The following MGAT5 variants were observed in gnomAD, a reference collection of about 807,000 sequenced individuals.
MGAT5 encodes the protein alpha-1,6-mannosylglycoprotein 6-beta-N-acetylglucosaminyltransferase A.
MGAT5 carries 30 observed loss-of-function variants against 94.3 expected under a neutral mutation model. The observed-to-expected ratio is 0.32, with a 90% CI of 0.24 to 0.43. MGAT5 has a LOEUF of 0.43. MGAT5 is among the 20% of genes least tolerant of loss of function. MGAT5 has a pLI of 1.00. For missense variants in MGAT5, 691 were observed against 905.5 expected, an observed-to-expected ratio of 0.76 and a Z score of 3.04; for synonymous variants, 310 against 322.9, an observed-to-expected ratio of 0.96 and a Z score of 0.43.
At chr2:134,200,807 A>G (rs1409068078) in intron 1 of MGAT5, among the ~76,000 whole-genome samples, 2 of 152,122 alleles carry the variant, frequency 1.3e-5, no homozygotes, top group East Asian at 1.9e-4. Flanking sequence ...TCACTTGAGG[A>G]CAGGCATTCA....
chr2:134,349,637 A>G (rs889737290), intron 8 of MGAT5, among the ~76,000 whole-genome samples, 168 bp from the exon 9 acceptor site: 1 of 152,236 alleles, frequency 6.6e-6, no homozygotes, highest in South Asian at 2.1e-4. Context: ...ACACAAGTAG[A>G]TGTTCGGTAC....
chr2:134,275,577 C>CT (rs1684306448), intron 2 of MGAT5, among the ~76,000 whole-genome samples: 86 of 117,490 alleles, frequency 7.3e-4, no homozygotes, highest in African/African-American at 3.3e-3. Flanking sequence ...GGTGCTATTT[C>CT]CTTTTTTTTT....
chr2:134,200,219 T>C (rs187250442), intron 1 of MGAT5, among the ~76,000 whole-genome samples: 2 of 120,868 alleles, frequency 1.7e-5, no homozygotes, highest in African/African-American at 6.3e-5. Flanking sequence ...TCCAGAAATA[T>C]CTGACTGACT....
At position 134,317,574 on chromosome 2, in the gene MGAT5, A is replaced by T. The variant is rs753434695; in HGVS notation, c.452A>T (p.Asp151Val). 6.4e-7 allele frequency: 1 copy of T among 1,569,446 alleles called. No homozygotes were observed. The highest frequency in any genetic ancestry group is 1.9e-5 in the Admixed American group (1 of 52,664). ...GAAAAATGTGTATTGCCTCCTATGG[A>T]CGGCTACCCTCACTGTGAGGGAAAG... The part of the protein sequence containing the change: ...AQEKCVLPPM[D>V]GYPHCEGKIK... The change falls in exon 3 of 16, where the codon GAC becomes GTC. Residue 151 changes from aspartate to valine, a missense_variant. Around this residue, in one of 4 missense-constraint regions of MGAT5, gnomAD observed 307 missense variants for 335.4 expected, o/e 0.92. Transcript: ENST00000281923.
At chr2:134,299,619 C>T (rs1685897599) in intron 2 of MGAT5, among the ~76,000 whole-genome samples, 1 of 152,118 alleles carries the variant, frequency 6.6e-6, no homozygotes, top group Non-Finnish European at 1.5e-5. Context: ...TTAAAATCCC[C>T]TCTTCTGATT....
At chr2:134,294,909 A>G (rs959899574) in intron 2 of MGAT5, among the ~76,000 whole-genome samples, 1 of 152,132 alleles carries the variant, frequency 6.6e-6, no homozygotes, top group African/African-American at 2.4e-5. Context: ...GCCAATCAGG[A>G]CAAATACAGA....
rs369168450 is a variant in MGAT5, at chr2:134,245,501, C to T, written c.-142-8761C>T. 3.3e-5 allele frequency among the ~76,000 whole-genome samples: 5 copies of T among 152,190 alleles called. No individual in the cohort carries two copies. In the East Asian group the frequency reaches 5.8e-4, roughly 18 times the overall value. Reference sequence around the variant, plus strand: ...TCCACCTGCCAGTAATGTGCACATCCAAGAGACTAAGTCAGGATAAAATCA... The same window carrying T: ...TCCACCTGCCAGTAATGTGCACATCTAAGAGACTAAGTCAGGATAAAATCA... On this transcript the variant is annotated intron_variant, in intron 1 of 16. Coordinates refer to the MGAT5 transcript ENST00000409645.
At chr2:134,236,679 A>T (rs1224239255) in intron 1 of MGAT5, among the ~76,000 whole-genome samples, 2 of 152,112 alleles carry the variant, frequency 1.3e-5, no homozygotes, top group Admixed American at 1.3e-4. Flanking sequence ...AGTCTCGGGT[A>T]TGTCTTTATT....
intron 2 of MGAT5, among the ~76,000 whole-genome samples, chr2:134,277,219 T>G (rs1017114891): frequency 6.6e-6 from 1 of 152,152 alleles, no homozygotes; most frequent in Admixed American, 6.5e-5. Flanking sequence ...GTTTCCCCAT[T>G]TGTAAAATGG....
intron 2 of MGAT5, among the ~76,000 whole-genome samples, chr2:134,312,665 G>A (rs1171420402): frequency 6.6e-6 from 1 of 152,092 alleles, no homozygotes; most frequent in Non-Finnish European, 1.5e-5. Context: ...GTTGTGTGTG[G>A]TTTCCCTTCC....
rs35278348 is a variant in MGAT5 at position 134,382,251 on chromosome 2, T to TA, written c.1380+19855dup. Among the ~76,000 whole-genome samples, 1,444 of 143,882 alleles carry TA rather than the reference T, an allele frequency of 0.01. 56 individuals are homozygous for TA. The East Asian group carries it at 0.1, about 10-fold the overall frequency. The allele number at this position is 143,882 out of a possible 152,430, so 94.4% of individuals were successfully genotyped here. A position where few individuals can be genotyped will look rare whatever the true frequency, so the allele number is the denominator to read the frequency against. ...GCCTGGGCAACAGCAATACCCTGTCTAAAAAAAAAAAATAAAGTCCTAGTG... is the reference window on the plus strand; with the variant it reads ...GCCTGGGCAACAGCAATACCCTGTCTAAAAAAAAAAAAATAAAGTCCTAGTG... On this transcript the variant is annotated intron_variant, in intron 10 of 15. Transcript: ENST00000281923.
intron 2 of MGAT5, among the ~76,000 whole-genome samples, chr2:134,291,272 A>C (rs1685340745): frequency 6.6e-6 from 1 of 152,140 alleles, no homozygotes; most frequent in South Asian, 2.1e-4. Context: ...AGCCCTCATG[A>C]ATGAGATTAT....
At chr2:134,201,753 C>T (rs932192055) in intron 1 of MGAT5, among the ~76,000 whole-genome samples, 8 of 149,244 alleles carry the variant, frequency 5.4e-5, no homozygotes, top group African/African-American at 1.2e-4. Flanking sequence ...GGCCGCCAGG[C>T]GCCAGCATCT....
At chr2:134,431,345 C>T (rs1684864289) in intron 14 of MGAT5, among the ~76,000 whole-genome samples, 1 of 152,094 alleles carries the variant, frequency 6.6e-6, no homozygotes, top group Non-Finnish European at 1.5e-5. Context: ...ATTAAACATT[C>T]TCCAAATGTT....
rs142933335 is a variant in MGAT5 at position 134,350,091 on chromosome 2, T to TTTTTTTG, written c.1246+158_1246+159insTGTTTTT. Among the ~76,000 whole-genome samples, 12 of 151,716 alleles carry TTTTTTTG rather than the reference T, an allele frequency of 7.9e-5. No individual in the cohort carries two copies. In the East Asian group the frequency reaches 2.1e-3, roughly 27 times the overall value. Reference sequence around the variant, plus strand: ...TTTCCTTGGGAATTACTGAATTTGTTTTTTTGTTTTTGTTTTTTAGTTGAA... The same window carrying TTTTTTTG: ...TTTCCTTGGGAATTACTGAATTTGTTTTTTTTGTTTTTGTTTTTGTTTTTTAGTTGAA... On this transcript the variant is annotated intron_variant, in intron 9 of 15. Coordinates refer to ENST00000281923, the MANE Select transcript of MGAT5 (RefSeq NM_002410.5).
intron 10 of MGAT5, among the ~76,000 whole-genome samples, 189 bp downstream of exon 10, chr2:134,362,597 T>C (rs1680167741): frequency 6.6e-6 from 1 of 152,242 alleles, no homozygotes; most frequent in Non-Finnish European, 1.5e-5. Context: ...ATGTACCTGC[T>C]CTTCTGATAG....
rs71275904 is a variant in MGAT5, at chr2:134,416,474, C to CTTTTTTTTTTTTTT, written c.1677+3470_1677+3471insTTTTTTTTTTTTTT. ...GCCTGTTTCAGAATCTCATTCCTTA[C>CTTTTTTTTTTTTTT]TTTTTTTTTTTGGAGACCGGGTCTT... On this transcript the variant is annotated intron_variant, in intron 12 of 15. Transcript: ENST00000281923. Among the ~76,000 whole-genome samples, 55 of 139,192 alleles carry CTTTTTTTTTTTTTT rather than the reference C, an allele frequency of 4.0e-4. 1 individual carries two copies. The highest frequency in any genetic ancestry group is 1.2e-3 in the African/African-American group (45 of 36,420). The allele number at this position is 139,192 out of a possible 152,430, so 91.3% of individuals were successfully genotyped here.
At chr2:134,189,609 T>TTGTTTTTTTTTTTTTTTG (rs1558978195) in intron 1 of MGAT5, among the ~76,000 whole-genome samples, 1 of 134,072 alleles carries the variant, frequency 7.5e-6, no homozygotes, top group African/African-American at 2.9e-5. Context: ...TTTGTTTTTT[T>TTGTTTTTTTTTTTTTTTG]TTTTTTTTTT....
intron 1 of MGAT5, among the ~76,000 whole-genome samples, chr2:134,189,607 T>TTTTTTTTTTTTTTTTTTTTG (rs1553490420): frequency 6.2e-5 from 5 of 80,618 alleles, no homozygotes; most frequent in South Asian, 4.1e-4. Context: ...TTTTTGTTTT[T>TTTTTTTTTTTTTTTTTTTTG]TTTTTTTTTT....
Sources: allele counts gnomAD v4.1 joint callset (sites outside exome capture counted in the v4.1 genomes callset), GRCh38; gene constraint gnomAD v4.1.1; regional missense constraint gnomAD v4.1.1; transcripts MANE v1.5; gene names NCBI Gene and HGNC (gene_info 2026-07-23, HGNC 2026-07-21).